Variants in ITSN2 observed in about 807,000 individuals in gnomAD.
ITSN2 encodes the protein intersectin 2.
ITSN2 carries 156 observed loss-of-function variants against 243.7 expected under a neutral mutation model. The observed-to-expected ratio is 0.64, with a 90% CI of 0.56 to 0.73. The LOEUF (loss-of-function observed/expected upper bound fraction) is 0.73, where lower values mean the gene tolerates loss of function less well. Among genes scored for constraint, ITSN2 ranks in the 30% least tolerant of loss-of-function variants. The probability of loss-of-function intolerance (pLI) is 0.00; values close to 1 mark genes in which losing one functional copy is unlikely to be tolerated. For synonymous variants in ITSN2, 703 were observed against 699.9 expected, an observed-to-expected ratio of 1.00 and a Z score of -0.07; for missense variants, 1,801 against 1,996.1, an observed-to-expected ratio of 0.90 and a Z score of 1.86.
chr2:24,303,876 GA>G lies in ITSN2; in HGVS notation c.794-15del. 1 of 1,568,404 alleles carries G rather than the reference GA, an allele frequency of 6.4e-7. No homozygotes were observed. Among genetic ancestry groups the G allele is most frequent in the Non-Finnish European group, 8.8e-7 (1 of 1,138,516 alleles). On this transcript the variant is annotated splice_polypyrimidine_tract_variant and intron_variant, in intron 8 of 39. Coordinates refer to ENST00000355123, the MANE Select transcript of ITSN2 (RefSeq NM_006277.3). Reference sequence around the variant, plus strand: ...TAGCTTGAAAACCTGATTAAGTGGGGAAAATCATAAAGGAATTCTTTAGCAT... The same window carrying G: ...TAGCTTGAAAACCTGATTAAGTGGGGAAATCATAAAGGAATTCTTTAGCAT...
rs537945691 is a variant in ITSN2, at chr2:24,305,576, C to CAAA, written c.794-1717_794-1715dup. ...TGGGCAACAGAGCAAGACTCTGTCT[C>CAAA]AAAAAAAAAAAAAAAAAAAAAAAAA... is the stretch of plus-strand genomic sequence containing the variant. On this transcript the variant is annotated intron_variant, in intron 8 of 39. Coordinates refer to ENST00000355123, the MANE Select transcript of ITSN2 (RefSeq NM_006277.3). Among the ~76,000 whole-genome samples, 92 of 40,822 alleles carry CAAA rather than the reference C, an allele frequency of 2.3e-3. 1 individual carries two copies. Among genetic ancestry groups the CAAA allele is most frequent in the Admixed American group, 3.3e-3 (12 of 3,590 alleles). The allele number at this position is 40,822 out of a possible 152,430, so 26.8% of individuals were successfully genotyped here. A position where few individuals can be genotyped will look rare whatever the true frequency, so the allele number is the denominator to read the frequency against.
chr2:24,210,614 C>CAA lies in ITSN2; in HGVS notation c.4257+164_4257+165dup, dbSNP rs950984341. Among the ~76,000 whole-genome samples the CAA allele has an allele frequency of 4.8e-3, 257 of 53,534 alleles. 3 individuals are homozygous for CAA. The highest frequency in any genetic ancestry group is 0.015 in the African/African-American group (173 of 11,556). The allele number at this position is 53,534 out of a possible 152,430, so 35.1% of individuals were successfully genotyped here. On this transcript the variant is annotated intron_variant, in intron 34 of 39. Coordinates refer to ENST00000355123, the MANE Select transcript of ITSN2 (RefSeq NM_006277.3). Reference sequence around the variant, plus strand: ...TGGGCAACAGAGTGAGACTCCGTCTCAAAAAAAAAAAAAAAAAAAAGAAAA... The same window carrying CAA: ...TGGGCAACAGAGTGAGACTCCGTCTCAAAAAAAAAAAAAAAAAAAAAAGAAAA...
At position 24,328,116 on chromosome 2, in the gene ITSN2, C is replaced by G. The variant is rs1459891932; in HGVS notation, c.-33-1G>C. The G allele has an allele frequency of 3.7e-6, 6 of 1,611,480 alleles. No homozygotes were observed. The highest frequency in any genetic ancestry group is 5.1e-6 in the Non-Finnish European group (6 of 1,177,964). ...GTTTTCCTTGCTAGCTCTCAGCCATCTGCAACATAAAAATATTGTGCCGTT... is the reference window on the plus strand; with the variant it reads ...GTTTTCCTTGCTAGCTCTCAGCCATGTGCAACATAAAAATATTGTGCCGTT... On this transcript the variant is annotated splice_acceptor_variant, in intron 1 of 39. Transcript: ENST00000355123. LOFTEE classifies it low-confidence loss of function (5UTR_SPLICE).
intron 31 of ITSN2, among the ~76,000 whole-genome samples, chr2:24,216,933 A>C (rs1001438595): frequency 1.3e-5 from 2 of 152,044 alleles, no homozygotes; most frequent in African/African-American, 4.8e-5. Context: ...AAAATACAAA[A>C]AATTAGCCGG....
intron 5 of ITSN2, among the ~76,000 whole-genome samples, chr2:24,311,139 G>A (rs561225079): frequency 6.6e-6 from 1 of 151,876 alleles, no homozygotes; most frequent in African/African-American, 2.4e-5. Context: ...AAGGTTCTAA[G>A]TAGTAGATAC....
Position 24,286,262 on chromosome 2 carries a change from C to G in ITSN2, c.1813G>C (p.Glu605Gln), listed in dbSNP as rs1178963743. The G allele has an allele frequency of 1.2e-6, 2 of 1,603,976 alleles. No individual in the cohort carries two copies. Among genetic ancestry groups the G allele is most frequent in the Admixed American group, 3.3e-5 (2 of 59,774 alleles). ...LKEQLDALEKETASKLSEMDS... is the reference protein window; with the variant it reads ...LKEQLDALEKQTASKLSEMDS... ...ATTTCTGACAGCTTAGATGCAGTTT[C>G]TTTTTCAAGAGCATCTAACTGTTCT... The change falls in exon 16 of 40, where the codon GAA becomes CAA. Residue 605 changes from glutamate to glutamine, a missense_variant. Glu to Gln is a conservative substitution (Grantham distance 29). This residue lies in a region of ITSN2 where 787 missense variants were observed against 803.9 expected (regional missense o/e 0.98). Transcript: ENST00000355123.
chr2:24,330,131 A>G (rs573067208), intron 1 of ITSN2, among the ~76,000 whole-genome samples: 45 of 152,350 alleles, frequency 3.0e-4, no homozygotes, highest in African/African-American at 9.6e-4. Context: ...TAGCATGTGA[A>G]TTATAAAGAT....
chr2:24,222,725 A>G (rs1573907739), intron 29 of ITSN2, among the ~76,000 whole-genome samples: 1 of 118,340 alleles, frequency 8.5e-6, no homozygotes. Context: ...GCCAGGCTGG[A>G]GTGCAATGGC....
At chr2:24,215,009 C>T (rs373395083) in intron 32 of ITSN2, among the ~76,000 whole-genome samples, 10 of 152,212 alleles carry the variant, frequency 6.6e-5, no homozygotes, top group African/African-American at 1.9e-4. Flanking sequence ...TACTGAACAA[C>T]ATCAATGCAA....
intron 20 of ITSN2, among the ~76,000 whole-genome samples, chr2:24,262,393 TAC>T (rs550990978): frequency 1.6e-3 from 238 of 152,348 alleles, no homozygotes; most frequent in African/African-American, 5.5e-3. Context: ...CTGTTCCTGT[TAC>T]ACAGTTTTTT....
In ITSN2 at chr2:24,248,832, C is replaced by T. The variant is rs61757120; in HGVS notation, c.3166+5G>A. On this transcript the variant is annotated splice_donor_5th_base_variant and intron_variant, in intron 26 of 39. Transcript: ENST00000355123. The stretch of plus-strand genomic sequence containing the variant: ...GTAATTTTTTAAGATCACTACTATA[C>T]GTACCAGGTTTTTTATTTGATGCTC... The T allele has an allele frequency of 6.8e-6, 11 of 1,613,456 alleles. No individual in the cohort carries two copies. The highest frequency in any genetic ancestry group is 9.3e-6 in the Non-Finnish European group (11 of 1,179,624).
chr2:24,306,759 C>T (rs1016403565), intron 8 of ITSN2, among the ~76,000 whole-genome samples: 2 of 152,074 alleles, frequency 1.3e-5, no homozygotes, highest in Non-Finnish European at 2.9e-5. Flanking sequence ...CCACATCCTC[C>T]CAAGTAGTTG....
intron 24 of ITSN2, among the ~76,000 whole-genome samples, chr2:24,253,647 T>C (rs981877925): frequency 6.6e-6 from 1 of 152,274 alleles, no homozygotes; most frequent in African/African-American, 2.4e-5. Flanking sequence ...GTATGCTCCA[T>C]TCTATTGTGA....
At chr2:24,241,920 G>A (rs1398139342) in intron 29 of ITSN2, 2 of 152,530 alleles carry the variant, frequency 1.3e-5, no homozygotes, top group Non-Finnish European at 2.9e-5. Flanking sequence ...GCATGCTAAT[G>A]ACCTACAATT....
chr2:24,291,489 CTTTTT>C (rs143144650), intron 15 of ITSN2, among the ~76,000 whole-genome samples: 7 of 97,720 alleles, frequency 7.2e-5, no homozygotes, highest in Non-Finnish European at 4.3e-5. Flanking sequence ...CTTCTTCTTC[CTTTTT>C]TTTTTTTTTT....
At chr2:24,361,281 T>C (rs1688995967), upstream of ITSN2, among the ~76,000 whole-genome samples, 1 of 152,114 alleles carries the variant, frequency 6.6e-6, no homozygotes. Context: ...TTTGTCTCTT[T>C]TCTCCCCTCC....
At chr2:24,308,864 C>A in intron 7 of ITSN2, 108 bp from the exon 8 acceptor site, 1 of 736,442 alleles carries the variant, frequency 1.4e-6, no homozygotes, top group South Asian at 1.6e-5. Flanking sequence ...GTCCTGAACC[C>A]CCGGGCCACC....
chr2:24,319,866 A>G (rs977982843), intron 2 of ITSN2, among the ~76,000 whole-genome samples: 5 of 152,200 alleles, frequency 3.3e-5, no homozygotes, highest in African/African-American at 1.2e-4. Flanking sequence ...CCTCCCTCCA[A>G]AAACACAGTA....
intron 17 of ITSN2, among the ~76,000 whole-genome samples, chr2:24,280,249 C>G (rs184568890): frequency 2.6e-5 from 4 of 152,162 alleles, no homozygotes; most frequent in Admixed American, 2.0e-4. Context: ...GGTGGTTAAC[C>G]CCGGTGCTCT....
Sources: allele counts gnomAD v4.1 joint callset (sites outside exome capture counted in the v4.1 genomes callset), GRCh38; gene constraint gnomAD v4.1.1; regional missense constraint gnomAD v4.1.1; transcripts MANE v1.5; gene names NCBI Gene and HGNC (gene_info 2026-07-23, HGNC 2026-07-21).